Variants in NOX3 observed in about 807,000 individuals in gnomAD.
NOX3 encodes the protein NADPH oxidase catalytic subunit-like 3.
In NOX3, 74 loss-of-function variants were observed where a neutral mutation model predicts 76.7. That is an observed-to-expected ratio of 0.96 (90% CI 0.80 to 1.17). NOX3 has a LOEUF of 1.17. Among genes scored for constraint, NOX3 ranks in the 50% most tolerant of loss-of-function variants. The pLI, the probability that NOX3 is intolerant of heterozygous loss-of-function variation, is 0.00. For synonymous variants in NOX3, 263 were observed against 261.1 expected (o/e 1.01, Z -0.07); for missense variants, 695 against 703.3 (o/e 0.99, Z 0.13).
chr6:155,395,743 T>G (rs967913548), intron 13 of NOX3, among the ~76,000 whole-genome samples, 169 bp from the exon 14 acceptor site: 2 of 152,278 alleles, frequency 1.3e-5, no homozygotes, highest in East Asian at 1.9e-4. Flanking sequence ...GACTACTTTG[T>G]AAACATCTTG....
At chr6:155,444,393 G>A (rs571786729) in intron 4 of NOX3, among the ~76,000 whole-genome samples, 10 of 152,220 alleles carry the variant, frequency 6.6e-5, no homozygotes, top group South Asian at 2.1e-4. Flanking sequence ...CAACTGTCAC[G>A]GTATCCCAGT....
At chr6:155,397,935 A>T (rs889813424) in intron 12 of NOX3, among the ~76,000 whole-genome samples, 7 of 152,182 alleles carry the variant, frequency 4.6e-5, no homozygotes, top group Non-Finnish European at 8.8e-5. Flanking sequence ...TACTTTTTGC[A>T]TATAGTGGCT....
rs1484005642 is a variant in NOX3 at position 155,453,214 on chromosome 6, A to G, written c.340+190T>C. Among the ~76,000 whole-genome samples the G allele has an allele frequency of 2.6e-5, 4 of 152,194 alleles. No individual in the cohort carries two copies. In the East Asian group the frequency reaches 7.7e-4, roughly 29 times the overall value. ...TTCTTTGACCAATTGAGGTCTTGGT[A>G]GGGGAAAACGTATAGGTAAGTATAA... On this transcript the variant is annotated intron_variant, in intron 4 of 13. Transcript: ENST00000159060.
chr6:155,438,002 A>G (rs905635206), intron 6 of NOX3, among the ~76,000 whole-genome samples: 1 of 152,252 alleles, frequency 6.6e-6, no homozygotes, highest in South Asian at 2.1e-4. Flanking sequence ...TCATCTTATG[A>G]GATGTTATTT....
In NOX3 at chr6:155,439,862, C is replaced by A. The variant is rs577854370; in HGVS notation, c.668+94G>T. ...ACACATTATACGAGTCCTGTAGTCA[C>A]CGCACGCCGGCTCCTTCATCTAAAG... On this transcript the variant is annotated intron_variant, in intron 6 of 13. Transcript: ENST00000159060. 476 of 1,157,114 alleles carry A rather than the reference C, an allele frequency of 4.1e-4. 7 individuals are homozygous for A. In the South Asian group the frequency reaches 7.7e-3, roughly 19 times the overall value. 71.7% of individuals were successfully genotyped at this position (1,157,114 alleles called of 1,614,324 possible). A position where few individuals can be genotyped will look rare whatever the true frequency, so the allele number is the denominator to read the frequency against.
rs1333833842 is a variant in NOX3 at position 155,408,918 on chromosome 6, A to G, written c.1456-1664T>C. The stretch of plus-strand genomic sequence containing the variant: ...CTCAACAATGGGCACACATGGACAT[A>G]AAGATGGGAATAACAGGCACTGGGG... On this transcript the variant is annotated intron_variant, in intron 11 of 13. Transcript: ENST00000159060. Among the ~76,000 whole-genome samples the G allele has an allele frequency of 4.1e-4, 62 of 150,960 alleles. 3 individuals carry two copies. Among genetic ancestry groups the G allele is most frequent in the Non-Finnish European group, 3.0e-5 (2 of 67,742 alleles).
Position 155,411,258 on chromosome 6 carries a change from A to G in NOX3, c.1411T>C (p.Phe471Leu), listed in dbSNP as rs1776546109. The change falls in exon 11 of 14, where the codon TTT becomes CTT. Residue 471 changes from phenylalanine (F) to leucine (L), a missense_variant. Transcript: ENST00000159060. ...GTAAGAAATATATGATAACTCAGAAAGTGAGTTTTCCCCTGCTCACTCATC... is the reference window on the plus strand; with the variant it reads ...GTAAGAAATATATGATAACTCAGAAGGTGAGTTTTCCCCTGCTCACTCATC... Reference protein sequence around the residue: ...TRMSEQGKTHFLSYHIFLTGW... With the variant: ...TRMSEQGKTHLLSYHIFLTGW... 6.2e-7 allele frequency: 1 copy of G among 1,614,052 alleles called. No homozygotes were observed. The highest frequency in any genetic ancestry group is 8.5e-7 in the Non-Finnish European group (1 of 1,179,918).
At chr6:155,431,026 G>T in intron 7 of NOX3, 91 bp from the exon 8 acceptor site, 2 of 783,438 alleles carry the variant, frequency 2.6e-6, no homozygotes, top group Non-Finnish European at 4.3e-6. Flanking sequence ...ACAACATGAT[G>T]GGGATTAGAT....
chr6:155,419,962 A>G (rs997497750), intron 10 of NOX3, among the ~76,000 whole-genome samples: 29 of 152,186 alleles, frequency 1.9e-4, no homozygotes, highest in African/African-American at 6.5e-4. Flanking sequence ...ACATGTAGAC[A>G]TTTATTCACT....
chr6:155,437,981 G>A (rs1247508449), intron 6 of NOX3, among the ~76,000 whole-genome samples: 1 of 152,156 alleles, frequency 6.6e-6, no homozygotes, highest in Non-Finnish European at 1.5e-5. Context: ...AGGTTAAAAT[G>A]ACTAAAAATT....
chr6:155,411,271 C>T lies in NOX3; in HGVS notation c.1398G>A (p.Gln466=). The T allele has an allele frequency of 1.2e-6, 2 of 1,613,970 alleles. No homozygotes were observed. Among genetic ancestry groups the T allele is most frequent in the Non-Finnish European group, 8.5e-7 (1 of 1,179,870 alleles). Residue 466 remains glutamine, a synonymous_variant, in exon 11 of 14, where the codon CAG becomes CAA. Coordinates refer to ENST00000159060, the MANE Select transcript of NOX3 (RefSeq NM_015718.3). ...LLSLETRMSE[Q]GKTHFLSYHI... is the part of the protein sequence containing the mutation. ...GATAACTCAGAAAGTGAGTTTTCCCCTGCTCACTCATCCGTGTTTCCAGGG... is the reference window on the plus strand; with the variant it reads ...GATAACTCAGAAAGTGAGTTTTCCCTTGCTCACTCATCCGTGTTTCCAGGG...
intron 1 of NOX3, 116 bp from the exon 2 acceptor site, chr6:155,455,245 A>G: frequency 1.6e-6 from 1 of 638,342 alleles, no homozygotes; most frequent in South Asian, 2.1e-5. Flanking sequence ...TATTAATCAG[A>G]ATTACTCCAC....
chr6:155,421,711 C>T (rs2235667), intron 10 of NOX3, among the ~76,000 whole-genome samples: 59,116 of 151,868 alleles, frequency 0.39, 12,322 homozygotes, highest in East Asian at 0.78. Context: ...GCTGGTCTAG[C>T]GTCAAACTCC....
intron 6 of NOX3, 35 bp downstream of exon 6, chr6:155,439,921 T>C (rs761673258): frequency 1.3e-6 from 2 of 1,574,878 alleles, no homozygotes; most frequent in African/African-American, 1.4e-5. Flanking sequence ...CTCTCAGAGA[T>C]AAAATCCTTG....
At chr6:155,409,600 T>C (rs1399633441) in intron 11 of NOX3, among the ~76,000 whole-genome samples, 1 of 152,226 alleles carries the variant, frequency 6.6e-6, no homozygotes, top group Non-Finnish European at 1.5e-5. Context: ...CCTTCTGTTC[T>C]TGTCATTTTG....
chr6:155,430,784 T>G (rs1178055055), intron 8 of NOX3, 59 bp downstream of exon 8: 1 of 1,152,390 alleles, frequency 8.7e-7, no homozygotes, highest in Non-Finnish European at 1.3e-6. Context: ...AAATTTGGGC[T>G]AATAAAAAAT....
intron 12 of NOX3, among the ~76,000 whole-genome samples, chr6:155,406,786 CT>C (rs1368661615): frequency 2.6e-4 from 40 of 152,298 alleles, no homozygotes; most frequent in Admixed American, 7.2e-4. Flanking sequence ...GCTAGACATG[CT>C]AGATAGTGTA....
At position 155,426,992 on chromosome 6, in the gene NOX3, T is replaced by C. The variant is rs1240637856; in HGVS notation, c.1145+1802A>G. Among the ~76,000 whole-genome samples the C allele has an allele frequency of 3.9e-4, 43 of 110,190 alleles. 3 individuals are homozygous for C. Among genetic ancestry groups the C allele is most frequent in the Middle Eastern group, 7.6e-3 (2 of 262 alleles). 72.3% of individuals were successfully genotyped at this position (110,190 alleles called of 152,430 possible). A position where few individuals can be genotyped will look rare whatever the true frequency, so the allele number is the denominator to read the frequency against. On this transcript the variant is annotated intron_variant, in intron 9 of 13. Coordinates refer to ENST00000159060, the MANE Select transcript of NOX3 (RefSeq NM_015718.3). ...GCAGTTAGACACTGTGGCGTGTGTGTGTGTGTGTGTGTGTGTGTGTGTGTG... is the reference window on the plus strand; with the variant it reads ...GCAGTTAGACACTGTGGCGTGTGTGCGTGTGTGTGTGTGTGTGTGTGTGTG...
intron 12 of NOX3, among the ~76,000 whole-genome samples, chr6:155,402,514 T>C (rs551445965): frequency 2.6e-5 from 4 of 152,350 alleles, no homozygotes; most frequent in Non-Finnish European, 5.9e-5. Flanking sequence ...GATCTATTTT[T>C]AATTTTTCTT....
Sources: allele counts gnomAD v4.1 joint callset (sites outside exome capture counted in the v4.1 genomes callset), GRCh38; gene constraint gnomAD v4.1.1; transcripts MANE v1.5; gene names NCBI Gene and HGNC (gene_info 2026-07-23, HGNC 2026-07-21).